Variants in ZFYVE9 observed in about 807,000 individuals in gnomAD.
ZFYVE9 encodes the protein zinc finger FYVE-type containing 9.
A neutral mutation model predicts 126.7 loss-of-function variants in ZFYVE9; 43 were observed. The observed-to-expected ratio is 0.34, with a 90% CI of 0.27 to 0.44. The LOEUF (loss-of-function observed/expected upper bound fraction) is 0.44. Among genes scored for constraint, ZFYVE9 ranks in the 20% least tolerant of loss-of-function variants. The pLI, the probability that ZFYVE9 is intolerant of heterozygous loss-of-function variation, is 1.00. For missense variants in ZFYVE9, 1,476 were observed against 1,697.0 expected, an observed-to-expected ratio of 0.87 and a Z score of 2.29; for synonymous variants, 521 against 597.4, an observed-to-expected ratio of 0.87 and a Z score of 1.87.
intron 7 of ZFYVE9, among the ~76,000 whole-genome samples, chr1:52,273,945 CAA>C (rs1386727468): frequency 6.0e-5 from 9 of 150,090 alleles, no homozygotes; most frequent in Non-Finnish European, 1.0e-4. Context: ...ACATATATAA[CAA>C]ATGATTTACA....
At chr1:52,292,402 T>C (rs72895946) in intron 10 of ZFYVE9, among the ~76,000 whole-genome samples, 5,787 of 151,620 alleles carry the variant, frequency 0.038, 292 homozygotes, top group African/African-American at 0.12. Flanking sequence ...ATTATGTTCA[T>C]GAGTTGACTT....
At chr1:52,170,586 G>A (rs1644558243) in intron 1 of ZFYVE9, among the ~76,000 whole-genome samples, 1 of 151,786 alleles carries the variant, frequency 6.6e-6, no homozygotes, top group South Asian at 2.1e-4. Context: ...TTTATTTGAA[G>A]GTTTTTCTTT....
rs1646469929 is a variant in ZFYVE9, at chr1:52,344,841, A to G, written c.4013A>G (p.His1338Arg). 1 of 1,614,100 alleles carries G rather than the reference A, an allele frequency of 6.2e-7. No individual in the cohort carries two copies. Among genetic ancestry groups the G allele is most frequent in the African/African-American group, 1.3e-5 (1 of 74,928 alleles). Residue 1338 changes from histidine (H) to arginine (R), a missense_variant, in exon 18 of 19, where the codon CAT (histidine) becomes CGT (arginine). This residue lies in a region of ZFYVE9 where 669 missense variants were observed against 902.4 expected (regional missense o/e 0.74). Transcript: ENST00000287727. ...GCAGATCACAGTAGATTGACTGAGC[A>G]TGTTGCCAAAGCTTTTTGCCTTGCT... is the stretch of plus-strand genomic sequence containing the variant. ...DPADHSRLTE[H>R]VAKAFCLALC... is the part of the protein sequence containing the mutation.
At chr1:52,204,247 G>T (rs142078110) in intron 1 of ZFYVE9, among the ~76,000 whole-genome samples, 1 of 152,246 alleles carries the variant, frequency 6.6e-6, no homozygotes, top group East Asian at 1.9e-4. Context: ...CTTTTAGCAA[G>T]CCTCTGCCCC....
intron 1 of ZFYVE9, among the ~76,000 whole-genome samples, chr1:52,168,533 A>T (rs1189301541): frequency 3.4e-5 from 4 of 118,400 alleles, no homozygotes; most frequent in Admixed American, 8.2e-5. Context: ...TTTTTTTTTA[A>T]AAGCAACAGG....
At chr1:52,148,651 T>A (rs867775281) in intron 1 of ZFYVE9, among the ~76,000 whole-genome samples, 9 of 151,780 alleles carry the variant, frequency 5.9e-5, no homozygotes, top group Non-Finnish European at 1.3e-4. Flanking sequence ...TTCTTTCTTT[T>A]TTTTTTTTGA....
chr1:52,261,919 A>G (rs1037372410), intron 4 of ZFYVE9, among the ~76,000 whole-genome samples: 1 of 152,214 alleles, frequency 6.6e-6, no homozygotes, highest in Non-Finnish European at 1.5e-5. Flanking sequence ...TTTAGTATGA[A>G]GTAGTATTAC....
At chr1:52,224,241 G>T (rs1292691536) in intron 2 of ZFYVE9, among the ~76,000 whole-genome samples, 2 of 152,144 alleles carry the variant, frequency 1.3e-5, no homozygotes, top group African/African-American at 4.8e-5. Context: ...GTCCAGCGGG[G>T]ATGTGGGGTG....
chr1:52,295,989 AT>A lies in ZFYVE9; in HGVS notation c.3333+20del. 1 of 1,610,762 alleles carries A rather than the reference AT, an allele frequency of 6.2e-7. No individual in the cohort carries two copies. The highest frequency in any genetic ancestry group is 1.1e-5 in the South Asian group (1 of 90,498). ...TGAATCTTCTTGCAGTAAGTTGGGA[AT>A]TTTTTTTCCTTTGTCCTTACTGGAG... On this transcript the variant is annotated intron_variant, in intron 12 of 18. Coordinates refer to ENST00000287727, the MANE Select transcript of ZFYVE9 (RefSeq NM_004799.4).
At chr1:52,215,072 A>G (rs1471286416) in intron 1 of ZFYVE9, among the ~76,000 whole-genome samples, 2 of 152,204 alleles carry the variant, frequency 1.3e-5, no homozygotes, top group South Asian at 4.1e-4. Flanking sequence ...AAAATTATCT[A>G]TTATTGGACT....
At chr1:52,298,685 A>G (rs868595382) in intron 12 of ZFYVE9, among the ~76,000 whole-genome samples, 36 of 151,918 alleles carry the variant, frequency 2.4e-4, no homozygotes, top group Non-Finnish European at 1.6e-4. Flanking sequence ...TTCTGTGAAG[A>G]ATATCATTGG....
intron 13 of ZFYVE9, among the ~76,000 whole-genome samples, chr1:52,325,006 G>A (rs1331755435): frequency 2.0e-5 from 3 of 152,118 alleles, no homozygotes; most frequent in East Asian, 3.9e-4. Flanking sequence ...TAGGCTGGGC[G>A]TGGTGGCTCA....
chr1:52,260,900 G>C (rs1195713984), intron 4 of ZFYVE9, among the ~76,000 whole-genome samples: 1 of 152,058 alleles, frequency 6.6e-6, no homozygotes, highest in Non-Finnish European at 1.5e-5. Flanking sequence ...GCTTGGTCTG[G>C]CCTCAGCATA....
intron 13 of ZFYVE9, 50 bp downstream of exon 13, chr1:52,303,975 A>T (rs772084093): frequency 4.6e-6 from 6 of 1,317,968 alleles, no homozygotes; most frequent in Non-Finnish European, 6.3e-6. Context: ...ACATGAGTGA[A>T]GGTGAAAAAT....
chr1:52,247,003 C>T (rs185175981), intron 4 of ZFYVE9, among the ~76,000 whole-genome samples: 5 of 151,992 alleles, frequency 3.3e-5, no homozygotes, highest in Middle Eastern at 3.4e-3. Context: ...CCGCTGTGCC[C>T]GGCCACTAAT....
chr1:52,181,154 T>G (rs1644697800), intron 1 of ZFYVE9, among the ~76,000 whole-genome samples: 1 of 152,068 alleles, frequency 6.6e-6, no homozygotes, highest in South Asian at 2.1e-4. Flanking sequence ...ACTGTACTGC[T>G]GCCATCTCGG....
At chr1:52,336,514 G>A (rs112007015) in intron 15 of ZFYVE9, among the ~76,000 whole-genome samples, 3 of 151,632 alleles carry the variant, frequency 2.0e-5, no homozygotes, top group East Asian at 1.9e-4. Flanking sequence ...GCGCCAACAC[G>A]CCCAGCTAAT....
At chr1:52,156,670 G>A (rs1644405701) in intron 1 of ZFYVE9, among the ~76,000 whole-genome samples, 1 of 152,176 alleles carries the variant, frequency 6.6e-6, no homozygotes, top group Admixed American at 6.5e-5. Flanking sequence ...CCCATTAAAA[G>A]CTAGACTTTG....
intron 12 of ZFYVE9, among the ~76,000 whole-genome samples, chr1:52,296,844 G>A (rs745815863): frequency 4.6e-5 from 7 of 152,072 alleles, no homozygotes; most frequent in Non-Finnish European, 7.4e-5. Context: ...TTGAGACAGA[G>A]TCTCTATCGC....
Sources: gnomAD v4.1 joint callset for allele counts (sites outside exome capture counted in the v4.1 genomes callset) on GRCh38, gnomAD v4.1.1 for gene constraint, gnomAD v4.1.1 regional missense constraint, MANE v1.5 for transcripts, NCBI Gene and HGNC (gene_info 2026-07-23, HGNC 2026-07-21) for gene names.